Variants in POLH observed in about 807,000 individuals in gnomAD.
POLH encodes the protein DNA polymerase eta.
A neutral mutation model predicts 73.6 loss-of-function variants in POLH; 53 were observed. That is an observed-to-expected ratio of 0.72 (90% CI 0.58 to 0.91). The LOEUF is 0.91. Ranked by LOEUF, POLH falls within the 40% of genes least tolerant of loss-of-function variation. POLH has a pLI of 0.00. For synonymous variants in POLH, 292 were observed against 308.5 expected (o/e 0.95, Z 0.56); for missense variants, 768 against 865.4 (o/e 0.89, Z 1.41).
At position 43,620,338 on chromosome 6, in the gene POLH, G is replaced by C. The variant is rs767661423; in HGVS notation, c.*5781G>C. 9 of 510,924 alleles carry C rather than the reference G, an allele frequency of 1.8e-5. 1 individual carries two copies. In the Admixed American group the frequency reaches 1.9e-4, roughly 11 times the overall value. 31.6% of individuals were successfully genotyped at this position (510,924 alleles called of 1,614,324 possible). A position where few individuals can be genotyped will look rare whatever the true frequency, so the allele number is the denominator to read the frequency against. Reference sequence around the variant, plus strand: ...TACAATACTGGAACTCTGAACCTATGTGGAGGAGAGAAAAACAATGGTGAA... The same window carrying C: ...TACAATACTGGAACTCTGAACCTATCTGGAGGAGAGAAAAACAATGGTGAA... On this transcript the variant is annotated 3_prime_UTR_variant, in exon 11 of 11. Transcript: ENST00000372236.
At chr6:43,610,324 C>G (rs1767764967) in intron 9 of POLH, among the ~76,000 whole-genome samples, 1 of 152,080 alleles carries the variant, frequency 6.6e-6, no homozygotes, top group South Asian at 2.1e-4. Context: ...CTCAGCCTCC[C>G]AAGGTGCTGG....
intron 1 of POLH, chr6:43,578,547 C>A (rs1763655276): frequency 9.3e-6 from 3 of 323,440 alleles, no homozygotes; most frequent in East Asian, 1.1e-4. Flanking sequence ...GTGTCATGGT[C>A]ATGAAAAACA....
chr6:43,602,274 A>T (rs1766821081), intron 6 of POLH, among the ~76,000 whole-genome samples: 1 of 152,226 alleles, frequency 6.6e-6, no homozygotes, highest in South Asian at 2.1e-4. Flanking sequence ...GGTTGTGCCT[A>T]CCAGTTGTGT....
chr6:43,587,212 C>A, intron 3 of POLH, 60 bp from the exon 4 acceptor site: 2 of 1,215,622 alleles, frequency 1.6e-6, no homozygotes, highest in Non-Finnish European at 2.5e-6. Flanking sequence ...GGGAGTGGAG[C>A]AGACAATCTC....
At chr6:43,597,265 A>G (rs1766179412) in intron 4 of POLH, among the ~76,000 whole-genome samples, 1 of 152,062 alleles carries the variant, frequency 6.6e-6, no homozygotes, top group African/African-American at 2.4e-5. Flanking sequence ...ACAGGCCTGC[A>G]CCACCATGCC....
In POLH at chr6:43,595,732, G is replaced by A. The variant is rs9472086; in HGVS notation, c.491-1964G>A. Among the ~76,000 whole-genome samples the A allele has an allele frequency of 4.9e-3, 752 of 152,206 alleles. 9 individuals carry two copies. Among genetic ancestry groups the A allele is most frequent in the African/African-American group, 0.017 (693 of 41,538 alleles). ...CAGGAGGTGAAGCTTGTGGTGAGCC[G>A]AGATCGCTCCACTGCACTCCAGCAT... On this transcript the variant is annotated intron_variant, in intron 4 of 10. Coordinates refer to ENST00000372236, the MANE Select transcript of POLH (RefSeq NM_006502.3).
rs1397469117 is a variant in POLH at position 43,616,582 on chromosome 6, G to A, written c.*2025G>A. Among the ~76,000 whole-genome samples the A allele has an allele frequency of 1.5e-5, 2 of 132,024 alleles. No individual in the cohort carries two copies. The highest frequency in any genetic ancestry group is 2.1e-4 in the East Asian group (1 of 4,818). The allele number at this position is 132,024 out of a possible 152,430, so 86.6% of individuals were successfully genotyped here. A position where few individuals can be genotyped will look rare whatever the true frequency, so the allele number is the denominator to read the frequency against. On this transcript the variant is annotated 3_prime_UTR_variant, in exon 11 of 11. Coordinates refer to ENST00000372236, the MANE Select transcript of POLH (RefSeq NM_006502.3). Reference sequence around the variant, plus strand: ...CCAGCCAGGGTGAGAGTGAGAGACTGTCTCAAAAAAAAAAAAAACAAAAGA... The same window carrying A: ...CCAGCCAGGGTGAGAGTGAGAGACTATCTCAAAAAAAAAAAAAACAAAAGA...
chr6:43,604,621 G>T lies in POLH; in HGVS notation c.891G>T (p.Trp297Cys), dbSNP rs1345879059. The change falls in exon 8 of 11, where the codon TGG (tryptophan) becomes TGT (cysteine). Residue 297 changes from tryptophan (W) to cysteine (C), a missense_variant. Transcript: ENST00000372236. Reference protein sequence around the residue: ...QSHFGEKNGSWLYAMCRGIEH... With the variant: ...QSHFGEKNGSCLYAMCRGIEH... ...TTTTTGCTGGTCTTATTAGGTCTTG[G>T]CTATATGCCATGTGCCGAGGGATTG... The T allele has an allele frequency of 6.2e-7, 1 of 1,613,982 alleles. No individual in the cohort carries two copies. The highest frequency in any genetic ancestry group is 1.7e-5 in the Admixed American group (1 of 59,994).
At position 43,576,421 on chromosome 6, in the gene POLH, G is replaced by C. The variant is rs896928211; in HGVS notation, c.-24G>C. The C allele has an allele frequency of 6.6e-6, 1 of 152,268 alleles. No individual in the cohort carries two copies. The highest frequency in any genetic ancestry group is 1.5e-5 in the Non-Finnish European group (1 of 68,070). 9.4% of individuals were successfully genotyped at this position (152,268 alleles called of 1,614,324 possible). ...TTCGGCAACCGCTGCTGGCAGTTTT[G>C]CCAGGTGTTTGTTACCTTGGTAAGA... On this transcript the variant is annotated 5_prime_UTR_variant, in exon 1 of 11. Coordinates refer to ENST00000372236, the MANE Select transcript of POLH (RefSeq NM_006502.3).
chr6:43,587,312 C>G lies in POLH; in HGVS notation c.313C>G (p.Arg105Gly). ...TGTTGAAGTGATGGAGATAATGTCT[C>G]GTTTTGCTGTGATTGAACGTGCCAG... The part of the protein sequence containing the change: ...ASVEVMEIMS[R>G]FAVIERASID... The change falls in exon 4 of 11, where the codon CGT becomes GGT. Residue 105 changes from arginine (R) to glycine (G), a missense_variant. Arg to Gly is a moderately radical substitution (Grantham distance 125, BLOSUM62 -2). Transcript: ENST00000372236. 6.2e-7 allele frequency: 1 copy of G among 1,614,102 alleles called. No individual in the cohort carries two copies. Among genetic ancestry groups the G allele is most frequent in the Non-Finnish European group, 8.5e-7 (1 of 1,179,944 alleles).
In POLH at chr6:43,616,002, C is replaced by A. The variant is rs1358473600; in HGVS notation, c.*1445C>A. Among the ~76,000 whole-genome samples, 2 of 152,034 alleles carry A rather than the reference C, an allele frequency of 1.3e-5. No individual in the cohort carries two copies. Among genetic ancestry groups the A allele is most frequent in the African/African-American group, 2.4e-5 (1 of 41,436 alleles). ...AAAAAAAGGATTTTAAGAAAAACTT[C>A]TCTTGGCCGGGCGCAGTGGCTCACG... On this transcript the variant is annotated 3_prime_UTR_variant, in exon 11 of 11. Transcript: ENST00000372236.
chr6:43,610,717 C>T lies in POLH; in HGVS notation c.1238C>T (p.Thr413Ile). Reference protein sequence around the residue: ...IKNCNTSGIQTEWSPPLTMLF... With the variant: ...IKNCNTSGIQIEWSPPLTMLF... The stretch of plus-strand genomic sequence containing the variant: ...AACTGTAATACTTCTGGAATCCAGA[C>T]AGAATGGTGAGTTCTTTTCTAGCTC... The change falls in exon 10 of 11, where the codon ACA (threonine) becomes ATA (isoleucine). Residue 413 changes from threonine (T) to isoleucine (I), a missense_variant. Physicochemically the swap from Thr to Ile is moderately conservative, Grantham distance 89 (BLOSUM62 -1). Transcript: ENST00000372236. The T allele has an allele frequency of 2.5e-6, 4 of 1,610,812 alleles. No individual in the cohort carries two copies. Among genetic ancestry groups the T allele is most frequent in the Non-Finnish European group, 3.4e-6 (4 of 1,178,280 alleles).
intron 1 of POLH, among the ~76,000 whole-genome samples, chr6:43,577,371 T>C (rs1002255959): frequency 1.3e-5 from 2 of 152,236 alleles, no homozygotes; most frequent in Non-Finnish European, 2.9e-5. Flanking sequence ...GTGCTTAGCC[T>C]GTGTTTTTTT....
intron 1 of POLH, among the ~76,000 whole-genome samples, chr6:43,576,765 T>C (rs1482686953): frequency 6.6e-6 from 1 of 152,210 alleles, no homozygotes; most frequent in Non-Finnish European, 1.5e-5. Flanking sequence ...TGTGCAGTTT[T>C]GATAATTGGC....
intron 2 of POLH, 114 bp from the exon 3 acceptor site, chr6:43,582,893 C>T (rs909783849): frequency 8.2e-6 from 7 of 855,294 alleles, no homozygotes; most frequent in Non-Finnish European, 1.3e-5. Context: ...TGAATGATGG[C>T]ATCTGTGGTC....
At chr6:43,601,312 C>G (rs1766707915) in intron 6 of POLH, among the ~76,000 whole-genome samples, 1 of 152,010 alleles carries the variant, frequency 6.6e-6, no homozygotes, top group South Asian at 2.1e-4. Context: ...GTTGCCCACG[C>G]TAGAGTGCAA....
intron 4 of POLH, among the ~76,000 whole-genome samples, chr6:43,593,113 T>C (rs1232577025): frequency 1.3e-5 from 2 of 152,226 alleles, no homozygotes; most frequent in African/African-American, 4.8e-5. Context: ...ATCCTCCCAC[T>C]TGAGGCTTCC....
intron 1 of POLH, among the ~76,000 whole-genome samples, chr6:43,581,480 C>T (rs1764202762): frequency 6.8e-6 from 1 of 147,760 alleles, no homozygotes; most frequent in South Asian, 2.1e-4. Flanking sequence ...CTCCTCACTT[C>T]CCAGACGGGG....
chr6:43,595,090 G>T (rs533496284), intron 4 of POLH, among the ~76,000 whole-genome samples: 2 of 152,222 alleles, frequency 1.3e-5, no homozygotes, highest in South Asian at 4.1e-4. Flanking sequence ...TAGCTACTTG[G>T]GAGGCCAAGG....
Sources: allele counts gnomAD v4.1 joint callset (sites outside exome capture counted in the v4.1 genomes callset), GRCh38; gene constraint gnomAD v4.1.1; transcripts MANE v1.5; gene names NCBI Gene and HGNC (gene_info 2026-07-23, HGNC 2026-07-21).